DMD: variants seen among roughly 807,000 people sequenced by gnomAD.
DMD encodes mutant dystrophin.
A neutral mutation model predicts 330.1 loss-of-function variants in DMD; 63 were observed. The ratio of observed to expected loss-of-function variants is 0.19; its 90% CI spans 0.16 to 0.24. DMD has a LOEUF of 0.24. Ranked by LOEUF, DMD falls within the 10% of genes least tolerant of loss-of-function variation. The pLI is 1.00. For missense variants in DMD, 3,344 were observed against 2,684.1 expected (o/e 1.25, Z -5.43); for synonymous variants, 1,223 against 959.8 (o/e 1.27, Z -5.07).
In DMD at chrX:31,294,757, T is replaced by C. The variant is rs774924648; in HGVS notation, c.9224+28841A>G. On this transcript the variant is annotated intron_variant, in intron 62 of 78. Coordinates refer to ENST00000357033, the MANE Select transcript of DMD (RefSeq NM_004006.3). ...GGAGAAGGAGATCCATTCCCTTAAA[T>C]GATAATGGCAGAAATGACCACTAAA... 6.3e-5 allele frequency among the ~76,000 whole-genome samples: 7 copies of C among 111,839 alleles called. No individual in the cohort carries two copies. In the East Asian group the frequency reaches 1.7e-3, roughly 27 times the overall value.
At chrX:32,504,143 T>C (rs2044365134) in intron 18 of DMD, among the ~76,000 whole-genome samples, 1 of 112,307 alleles carries the variant, frequency 8.9e-6, no homozygotes, top group Admixed American at 9.4e-5. Flanking sequence ...AAAGTTTATC[T>C]AGGCATAAAC....
intron 44 of DMD, among the ~76,000 whole-genome samples, chrX:32,033,717 TGAGA>T (rs1399625173): frequency 9.6e-6 from 1 of 104,599 alleles, no homozygotes; most frequent in Admixed American, 1.0e-4. Flanking sequence ...AAAAAGAAAA[TGAGA>T]GAGAGAGAAT....
At chrX:31,959,873 T>C (rs1738716277) in intron 45 of DMD, among the ~76,000 whole-genome samples, 1 of 101,904 alleles carries the variant, frequency 9.8e-6, no homozygotes, top group South Asian at 5.3e-4. Context: ...CGAGCAACTC[T>C]CCCACCTCAG....
At chrX:32,414,472 CCATAA>C (rs2098158475) in intron 29 of DMD, among the ~76,000 whole-genome samples, 1 of 111,627 alleles carries the variant, frequency 9.0e-6, no homozygotes, top group Admixed American at 9.5e-5. Context: ...TTTGTATGTG[CCATAA>C]CATATTTAAT....
At chrX:31,323,435 A>C (rs1444074268) in intron 62 of DMD, among the ~76,000 whole-genome samples, 163 bp downstream of exon 62, 2 of 112,135 alleles carry the variant, frequency 1.8e-5, no homozygotes, top group Admixed American at 1.9e-4. Flanking sequence ...CAAATTTACA[A>C]TGGTAATTTT....
chrX:32,749,089 G>T (rs759682460), intron 7 of DMD, among the ~76,000 whole-genome samples: 1 of 111,902 alleles, frequency 8.9e-6, no homozygotes, highest in African/African-American at 3.2e-5. Flanking sequence ...TATTTTATAT[G>T]CTATGGCACG....
intron 2 of DMD, among the ~76,000 whole-genome samples, chrX:32,868,501 G>A (rs963978999): frequency 8.9e-6 from 1 of 112,018 alleles, no homozygotes; most frequent in African/African-American, 3.3e-5. Flanking sequence ...TGAGAGGACT[G>A]AGCTCCTGTA....
chrX:31,923,914 C>T (rs958455624), intron 47 of DMD, among the ~76,000 whole-genome samples: 5 of 111,556 alleles, frequency 4.5e-5, no homozygotes, highest in African/African-American at 9.8e-5. Flanking sequence ...TATATAATAG[C>T]GTTTTAGCAC....
At chrX:32,769,059 A>T (rs1293002159) in intron 7 of DMD, among the ~76,000 whole-genome samples, 1 of 112,070 alleles carries the variant, frequency 8.9e-6, no homozygotes, top group Non-Finnish European at 1.9e-5. Context: ...AAAAACAAAA[A>T]AACAAAAAAC....
chrX:31,855,405 G>A (rs1190665309), intron 48 of DMD, among the ~76,000 whole-genome samples: 2 of 112,173 alleles, frequency 1.8e-5, no homozygotes, highest in African/African-American at 6.5e-5. Flanking sequence ...GCATCTCTAA[G>A]TTATTATCCA....
chrX:32,490,252 G>A (rs2042869479), intron 20 of DMD, among the ~76,000 whole-genome samples: 1 of 111,537 alleles, frequency 9.0e-6, no homozygotes, highest in Admixed American at 9.5e-5. Flanking sequence ...GTTCATCCTG[G>A]AAACGTTTTA....
chrX:32,120,883 T>A (rs1352776944), intron 44 of DMD, among the ~76,000 whole-genome samples: 1 of 112,344 alleles, frequency 8.9e-6, no homozygotes, highest in Non-Finnish European at 1.9e-5. Context: ...AACCAAACCC[T>A]TGCTTCTCTG....
At chrX:32,377,413 G>T (rs1387087059) in intron 34 of DMD, among the ~76,000 whole-genome samples, 1 of 111,703 alleles carries the variant, frequency 9.0e-6, no homozygotes. Flanking sequence ...GTTGTCGATG[G>T]TGAGTTTTCT....
chrX:32,876,808 T>G (rs983039650), intron 2 of DMD, among the ~76,000 whole-genome samples: 1 of 112,350 alleles, frequency 8.9e-6, no homozygotes, highest in Admixed American at 9.5e-5. Context: ...TTTGACTGAG[T>G]TGTACCATAG....
chrX:31,842,339 T>A (rs765797613), intron 48 of DMD, among the ~76,000 whole-genome samples: 1 of 112,304 alleles, frequency 8.9e-6, no homozygotes, highest in Admixed American at 9.4e-5. Flanking sequence ...AATCTACTCC[T>A]GGTGAAGACG....
intron 7 of DMD, among the ~76,000 whole-genome samples, chrX:32,747,528 T>C (rs2070205715): frequency 1.8e-5 from 2 of 111,999 alleles, no homozygotes; most frequent in South Asian, 7.4e-4. Flanking sequence ...TTGTCCAGGC[T>C]CGAGTGCAGT....
intron 16 of DMD, among the ~76,000 whole-genome samples, chrX:32,550,833 C>G (rs772023253): frequency 9.1e-6 from 1 of 110,416 alleles, no homozygotes; most frequent in East Asian, 2.8e-4. Flanking sequence ...TAGAGAAAAC[C>G]CTTAGAGACT....
intron 7 of DMD, among the ~76,000 whole-genome samples, chrX:32,807,513 G>A (rs2077049228): frequency 9.0e-6 from 1 of 111,110 alleles, no homozygotes; most frequent in South Asian, 3.8e-4. Flanking sequence ...GTTGAAGTTT[G>A]AGACAGTAAA....
At chrX:31,676,707 T>C (rs2082100498) in intron 53 of DMD, among the ~76,000 whole-genome samples, 1 of 112,256 alleles carries the variant, frequency 8.9e-6, no homozygotes, top group South Asian at 3.7e-4. Context: ...TGAACTTCTC[T>C]AGCCTTCAGT....
Sources: allele counts gnomAD v4.1 joint callset (sites outside exome capture counted in the v4.1 genomes callset), GRCh38; gene constraint gnomAD v4.1.1; transcripts MANE v1.5; gene names NCBI Gene and HGNC (gene_info 2026-07-23, HGNC 2026-07-21).